The following PPM1L variants were observed in gnomAD, a reference collection of about 807,000 sequenced individuals.
The protein encoded by PPM1L is protein phosphatase, Mg2+/Mn2+ dependent 1L, also known as protein phosphatase 1L.
PPM1L carries 13 observed loss-of-function variants against 31.4 expected under a neutral mutation model. The ratio of observed to expected loss-of-function variants is 0.41; its 90% CI spans 0.27 to 0.66. The LOEUF is 0.66. PPM1L is among the 30% of genes least tolerant of loss of function. The pLI is 0.29. For missense variants in PPM1L, 326 were observed against 453.7 expected (o/e 0.72, Z 2.56); for synonymous variants, 184 against 175.4 (o/e 1.05, Z -0.39).
chr3:160,816,995 A>G (rs1233510323), intron 1 of PPM1L, among the ~76,000 whole-genome samples: 1 of 152,130 alleles, frequency 6.6e-6, no homozygotes, highest in Non-Finnish European at 1.5e-5. Context: ...TGCTGGTAAC[A>G]TTGGCATAAA....
chr3:161,010,778 T>A (rs1043550782), intron 2 of PPM1L, among the ~76,000 whole-genome samples: 1 of 152,244 alleles, frequency 6.6e-6, no homozygotes, highest in Admixed American at 6.5e-5. Flanking sequence ...TGGCCAGTGA[T>A]GATGAGCATT....
At chr3:160,784,205 T>C (rs1273707700) in intron 1 of PPM1L, among the ~76,000 whole-genome samples, 2 of 152,208 alleles carry the variant, frequency 1.3e-5, no homozygotes, top group East Asian at 1.9e-4. Flanking sequence ...CTGATACCTA[T>C]ATGTGTATAT....
At chr3:160,808,275 G>T (rs1444899008) in intron 1 of PPM1L, among the ~76,000 whole-genome samples, 3 of 150,738 alleles carry the variant, frequency 2.0e-5, no homozygotes, top group Non-Finnish European at 2.9e-5. Flanking sequence ...ACTGCCCTTT[G>T]CCAGGATTTT....
Position 161,078,751 on chromosome 3 carries a change from G to A in PPM1L, c.*9594G>A, listed in dbSNP as rs370528066. 7 of 152,206 alleles carry A rather than the reference G, an allele frequency of 4.6e-5. No homozygotes were observed. The highest frequency in any genetic ancestry group is 9.7e-5 in the African/African-American group (4 of 41,444). 9.4% of individuals were successfully genotyped at this position (152,206 alleles called of 1,614,324 possible). A position where few individuals can be genotyped will look rare whatever the true frequency, so the allele number is the denominator to read the frequency against. On this transcript the variant is annotated 3_prime_UTR_variant, in exon 4 of 4. Coordinates refer to ENST00000498165, the MANE Select transcript of PPM1L (RefSeq NM_139245.4). ...AGATGCATGGCGTGTCATTTGGGTC[G>A]CTTTGATGGGTGCTCGGGTAGAATT...
At chr3:160,952,383 C>A (rs1264936385) in intron 1 of PPM1L, among the ~76,000 whole-genome samples, 1 of 152,210 alleles carries the variant, frequency 6.6e-6, no homozygotes, top group Non-Finnish European at 1.5e-5. Context: ...GGCAGGGAAA[C>A]CTTGCCTGCA....
At chr3:161,003,720 C>G (rs1576775422) in intron 2 of PPM1L, among the ~76,000 whole-genome samples, 1 of 152,172 alleles carries the variant, frequency 6.6e-6, no homozygotes, top group Non-Finnish European at 1.5e-5. Flanking sequence ...AGTTGCCTAT[C>G]AGCTTAAGGA....
chr3:160,894,980 C>T (rs562461571), intron 1 of PPM1L, among the ~76,000 whole-genome samples: 22 of 151,978 alleles, frequency 1.4e-4, no homozygotes, highest in Middle Eastern at 6.8e-3. Context: ...TTTCCTATAC[C>T]TTTTATTAAA....
chr3:160,863,625 T>C (rs1711980308), intron 1 of PPM1L, among the ~76,000 whole-genome samples: 1 of 152,200 alleles, frequency 6.6e-6, no homozygotes, highest in Non-Finnish European at 1.5e-5. Flanking sequence ...GATCCGAAGT[T>C]ACTGGACTGT....
At chr3:161,013,082 C>T (rs1242166354) in intron 2 of PPM1L, among the ~76,000 whole-genome samples, 1 of 152,090 alleles carries the variant, frequency 6.6e-6, no homozygotes, top group East Asian at 1.9e-4. Flanking sequence ...AATGTGTTTG[C>T]TCTTGCTTCT....
At chr3:161,059,541 C>T (rs974217038) in intron 2 of PPM1L, among the ~76,000 whole-genome samples, 10 of 152,068 alleles carry the variant, frequency 6.6e-5, no homozygotes, top group African/African-American at 9.7e-5. Context: ...TATGTGTGAA[C>T]GCTTATTCAT....
At chr3:160,868,730 T>C (rs1320076568) in intron 1 of PPM1L, among the ~76,000 whole-genome samples, 1 of 151,872 alleles carries the variant, frequency 6.6e-6, no homozygotes, top group Non-Finnish European at 1.5e-5. Context: ...TCAGTCATGG[T>C]TTTACTTGTA....
At chr3:160,965,840 C>A (rs1190729443) in intron 2 of PPM1L, among the ~76,000 whole-genome samples, 2 of 152,148 alleles carry the variant, frequency 1.3e-5, no homozygotes, top group Admixed American at 1.3e-4. Context: ...CTTTAATGCT[C>A]CTTCACTGAT....
intron 1 of PPM1L, among the ~76,000 whole-genome samples, chr3:160,812,136 T>C (rs1712831285): frequency 6.6e-6 from 1 of 152,242 alleles, no homozygotes; most frequent in South Asian, 2.1e-4. Context: ...TGTTCATGTC[T>C]TTGGGCCTCT....
intron 1 of PPM1L, among the ~76,000 whole-genome samples, chr3:160,769,629 C>G (rs1177496132): frequency 1.3e-5 from 2 of 150,856 alleles, no homozygotes; most frequent in Non-Finnish European, 3.0e-5. Context: ...TTTTTTTTCT[C>G]TAATATATAT....
At chr3:160,819,527 C>T (rs723060) in intron 1 of PPM1L, among the ~76,000 whole-genome samples, 14,277 of 151,960 alleles carry the variant, frequency 0.094, 940 homozygotes, top group Non-Finnish European at 0.14. Flanking sequence ...CACTCATTCT[C>T]AGCAAATAGT....
chr3:160,943,193 C>T (rs567499512), intron 1 of PPM1L, among the ~76,000 whole-genome samples: 5 of 152,270 alleles, frequency 3.3e-5, no homozygotes, highest in Admixed American at 1.3e-4. Flanking sequence ...GCTGTGGAAA[C>T]CAAACTCATA....
intron 1 of PPM1L, among the ~76,000 whole-genome samples, chr3:160,774,251 A>G (rs753468215): frequency 2.0e-5 from 3 of 151,806 alleles, no homozygotes; most frequent in South Asian, 2.1e-4. Flanking sequence ...TTCCTTCTTC[A>G]TGCAAGTCTG....
chr3:160,975,715 A>C (rs1200410925), intron 2 of PPM1L, among the ~76,000 whole-genome samples: 1 of 152,192 alleles, frequency 6.6e-6, no homozygotes, highest in African/African-American at 2.4e-5. Flanking sequence ...ATTTTGGTAC[A>C]TTGATTTTGT....
chr3:160,789,959 A>G (rs1712053197), intron 1 of PPM1L, among the ~76,000 whole-genome samples: 1 of 152,176 alleles, frequency 6.6e-6, no homozygotes, highest in African/African-American at 2.4e-5. Context: ...ATTCTCTTGT[A>G]TACTTTAAAT....
Sources: gnomAD v4.1 joint callset for allele counts (sites outside exome capture counted in the v4.1 genomes callset) on GRCh38, gnomAD v4.1.1 for gene constraint, MANE v1.5 for transcripts, NCBI Gene and HGNC (gene_info 2026-07-23, HGNC 2026-07-21) for gene names.